MYH8: variants seen among roughly 807,000 people sequenced by gnomAD.
MYH8 encodes the protein myosin heavy chain 8.
MYH8 carries 168 observed loss-of-function variants against 233.2 expected under a neutral mutation model. The ratio of observed to expected loss-of-function variants is 0.72; its 90% CI spans 0.64 to 0.82. The LOEUF is 0.82. MYH8 is among the 40% of genes least tolerant of loss of function. The probability of loss-of-function intolerance (pLI) is 0.00; values close to 1 mark genes in which losing one functional copy is unlikely to be tolerated. For missense variants in MYH8, 1,995 were observed against 2,327.8 expected (o/e 0.86, Z 2.94); for synonymous variants, 785 against 850.6 (o/e 0.92, Z 1.34).
rs547440233 is a variant in MYH8, at chr17:10,398,490, A to T, written c.4132T>A (p.Tyr1378Asn). 1 of 1,613,940 alleles carries T rather than the reference A, an allele frequency of 6.2e-7. No homozygotes were observed. The highest frequency in any genetic ancestry group is 1.7e-5 in the Admixed American group (1 of 60,002). ...NSEVAQWRTK[Y>N]ETDAIQRTEE... ...GTGCGCTGGATGGCATCCGTCTCGTATTTGGTTCTCCACTGGGCAACCTCA... is the reference window on the plus strand; with the variant it reads ...GTGCGCTGGATGGCATCCGTCTCGTTTTTGGTTCTCCACTGGGCAACCTCA... The change falls in exon 30 of 40, where the codon TAC becomes AAC. Residue 1378 changes from tyrosine (Y) to asparagine (N), a missense_variant. Around this residue, in one of 3 missense-constraint regions of MYH8, gnomAD observed 1,498 missense variants for 1,680.9 expected, o/e 0.89. Coordinates refer to ENST00000403437, the MANE Select transcript of MYH8 (RefSeq NM_002472.3).
Position 10,415,698 on chromosome 17 carries a change from A to G in MYH8, c.522T>C (p.Asn174=). ...AYQFMLTDRE[N]QSILITGESG... ...TCACATACGTGATCAGGATGGACTG[A>G]TTCTCTCGATCTGTGAAAGAATTCA... Residue 174 remains asparagine (N), a synonymous_variant, in exon 6 of 40, where the codon AAT becomes AAC. Coordinates refer to ENST00000403437, the MANE Select transcript of MYH8 (RefSeq NM_002472.3). This position sits in a 1 kb window ranked among gnomAD's most constrained non-coding sequence, Gnocchi z 4.1. 1 of 1,613,900 alleles carries G rather than the reference A, an allele frequency of 6.2e-7. No individual in the cohort carries two copies. The highest frequency in any genetic ancestry group is 1.7e-5 in the Admixed American group (1 of 59,998).
chr17:10,402,440 A>G (rs1368936834), intron 22 of MYH8, among the ~76,000 whole-genome samples: 2 of 152,202 alleles, frequency 1.3e-5, no homozygotes, highest in Non-Finnish European at 2.9e-5. Flanking sequence ...CATTAGTCTT[A>G]AGGTGAATTT....
In MYH8 at chr17:10,418,774, C is replaced by T. The variant is rs757502669; in HGVS notation, c.382G>A (p.Val128Ile). 4 of 1,613,604 alleles carry T rather than the reference C, an allele frequency of 2.5e-6. No homozygotes were observed. Among genetic ancestry groups the T allele is most frequent in the East Asian group, 2.2e-5 (1 of 44,878 alleles). The change falls in exon 5 of 40, where the codon GTC becomes ATC. Residue 128 changes from valine to isoleucine, a missense_variant. By Grantham distance (29) the Val-to-Ile change is conservative. Around this residue, in one of 3 missense-constraint regions of MYH8, gnomAD observed 479 missense variants for 600.9 expected, o/e 0.80. Transcript: ENST00000403437. ...YTYSGLFCVT[V>I]NPYKWLPVYK... ...ACCGGCAGCCACTTGTAGGGGTTGA[C>T]GGTGACACAGAAGAGGCCTGAGTAG... is the stretch of plus-strand genomic sequence containing the variant.
At position 10,394,364 on chromosome 17, in the gene MYH8, A is replaced by C. The variant is rs1034056044; in HGVS notation, c.5051T>G (p.Leu1684Arg). 1 of 1,614,106 alleles carries C rather than the reference A, an allele frequency of 6.2e-7. No individual in the cohort carries two copies. Among genetic ancestry groups the C allele is most frequent in the Non-Finnish European group, 8.5e-7 (1 of 1,180,016 alleles). Residue 1684 changes from leucine (L) to arginine (R), a missense_variant, in exon 35 of 40, where the codon CTG becomes CGG. Physicochemically the swap from Leu to Arg is moderately radical, Grantham distance 102 (BLOSUM62 -2). Coordinates refer to ENST00000403437, the MANE Select transcript of MYH8 (RefSeq NM_002472.3). ...LAIVERRANL[L>R]QAEIEELWAT... ...CCACAGCTCCTCGATCTCAGCCTGC[A>C]GCAGGTTGGCTCTGCGCTCCACAAT... is the stretch of plus-strand genomic sequence containing the variant.
In MYH8 at chr17:10,396,028, A is replaced by G. The variant is rs367990127; in HGVS notation, c.4653+302T>C. 6.6e-6 allele frequency among the ~76,000 whole-genome samples: 1 copy of G among 152,190 alleles called. No homozygotes were observed. The highest frequency in any genetic ancestry group is 1.9e-4 in the East Asian group (1 of 5,198). The stretch of plus-strand genomic sequence containing the variant: ...CTGTCTACCGTAAAATATTTTTCCA[A>G]AATAATCATATTTCATGGCTATATA... On this transcript the variant is annotated intron_variant, in intron 33 of 39. Coordinates refer to ENST00000403437, the MANE Select transcript of MYH8 (RefSeq NM_002472.3). The surrounding 1 kb of genome is among the most constrained non-coding windows in gnomAD (Gnocchi z 4.2).
chr17:10,411,277 G>A (rs2072242196), intron 14 of MYH8, among the ~76,000 whole-genome samples: 1 of 151,962 alleles, frequency 6.6e-6, no homozygotes, highest in South Asian at 2.1e-4. Flanking sequence ...TCGGAAGGCT[G>A]AGGCAGGAAA....
Position 10,392,633 on chromosome 17 carries a change from T to G in MYH8, c.5477A>C (p.Glu1826Ala). ...QKLEARVRELEGEVENEQKRN... is the reference protein window; with the variant it reads ...QKLEARVRELAGEVENEQKRN... ...TTTCTGTTCATTTTCAACCTCTCCT[T>G]CAAGCTCACGTACCTGCAGCCAAGA... The change falls in exon 38 of 40, where the codon GAA (glutamate) becomes GCA (alanine). Residue 1826 changes from glutamate to alanine, a missense_variant. Physicochemically the swap from Glu to Ala is moderately radical, Grantham distance 107. This residue lies in a region of MYH8 where 1,498 missense variants were observed against 1,680.9 expected (regional missense o/e 0.89). Coordinates refer to ENST00000403437, the MANE Select transcript of MYH8 (RefSeq NM_002472.3). 1 of 1,614,140 alleles carries G rather than the reference T, an allele frequency of 6.2e-7. No individual in the cohort carries two copies. Among genetic ancestry groups the G allele is most frequent in the Non-Finnish European group, 8.5e-7 (1 of 1,180,012 alleles).
intron 2 of MYH8, 98 bp from the exon 3 acceptor site, chr17:10,420,355 C>T: frequency 2.7e-6 from 3 of 1,119,218 alleles, no homozygotes; most frequent in Non-Finnish European, 3.9e-6. Flanking sequence ...ATAGCCTGTG[C>T]TGTAACTATT....
At position 10,419,946 on chromosome 17, in the gene MYH8, C is replaced by T. The variant is rs1396443679; in HGVS notation, c.210+72G>A. On this transcript the variant is annotated intron_variant, in intron 3 of 39. Coordinates refer to ENST00000403437, the MANE Select transcript of MYH8 (RefSeq NM_002472.3). This position sits in a 1 kb window ranked among gnomAD's most constrained non-coding sequence, Gnocchi z 4.0. ...TGCATTGGCAACAGGCTTGGAGATT[C>T]CCAGTAAGTTAGGCTTCAACTTTTG... is the stretch of plus-strand genomic sequence containing the variant. The T allele has an allele frequency of 6.6e-7, 1 of 1,505,150 alleles. No individual in the cohort carries two copies. The highest frequency in any genetic ancestry group is 9.2e-7 in the Non-Finnish European group (1 of 1,082,558). 93.2% of individuals were successfully genotyped at this position (1,505,150 alleles called of 1,614,324 possible).
rs769458253 is a variant in MYH8, at chr17:10,420,188, C to G, written c.40G>C (p.Glu14Gln). 6.2e-7 allele frequency: 1 copy of G among 1,613,844 alleles called. No homozygotes were observed. Among genetic ancestry groups the G allele is most frequent in the Non-Finnish European group, 8.5e-7 (1 of 1,180,038 alleles). Residue 14 changes from glutamate to glutamine, a missense_variant, in exon 3 of 40, where the codon GAA (glutamate) becomes CAA (glutamine). Glu to Gln is a conservative substitution (Grantham distance 29). This residue lies in a region of MYH8 where 479 missense variants were observed against 600.9 expected (regional missense o/e 0.80). Transcript: ENST00000403437. Reference protein sequence around the residue: ...SSDAEMAVFGEAAPYLRKSEK... With the variant: ...SSDAEMAVFGQAAPYLRKSEK... Reference sequence around the variant, plus strand: ...GATTTTCGAAGGTAGGGAGCAGCTTCGCCAAAAACAGCCATCTCAGCGTCT... The same window carrying G: ...GATTTTCGAAGGTAGGGAGCAGCTTGGCCAAAAACAGCCATCTCAGCGTCT...
rs569503202 is a variant in MYH8, at chr17:10,408,172, C to T, written c.1965+925G>A. On this transcript the variant is annotated intron_variant, in intron 17 of 39. Coordinates refer to ENST00000403437, the MANE Select transcript of MYH8 (RefSeq NM_002472.3). ...GCCAGGCTGGTGTTGAATTCCTGACCTCGTGATCTGCCCGCCTCAGCCTCC... is the reference window on the plus strand; with the variant it reads ...GCCAGGCTGGTGTTGAATTCCTGACTTCGTGATCTGCCCGCCTCAGCCTCC... 3.1e-4 allele frequency among the ~76,000 whole-genome samples: 47 copies of T among 152,078 alleles called. No homozygotes were observed. The East Asian group carries it at 8.7e-3, about 28-fold the overall frequency.
chr17:10,406,783 A>T lies in MYH8; in HGVS notation c.2078T>A (p.Leu693Ter). 6.2e-7 allele frequency: 1 copy of T among 1,614,154 alleles called. No individual in the cohort carries two copies. Among genetic ancestry groups the T allele is most frequent in the Non-Finnish European group, 8.5e-7 (1 of 1,180,004 alleles). ...TPGAMEHELV[L>*]HQLRCNGVLE... is the part of the protein sequence containing the mutation. ...CACACCATTACACCTCAGCTGGTGC[A>T]ACACAAGTTCATGTTCCATTGCCCC... The change falls in exon 19 of 40, where the codon TTG becomes TAG. Residue 693 changes from leucine (L) to a stop codon, truncating the protein, a stop_gained. Transcript: ENST00000403437. LOFTEE classifies it high-confidence loss of function.
chr17:10,408,548 T>C (rs929866949), intron 17 of MYH8, among the ~76,000 whole-genome samples: 4 of 152,212 alleles, frequency 2.6e-5, no homozygotes, highest in Non-Finnish European at 5.9e-5. Context: ...CATAGGAAAA[T>C]CACATTACTT....
chr17:10,398,885 A>T lies in MYH8; in HGVS notation c.3864T>A (p.Gly1288=). The T allele has an allele frequency of 6.2e-7, 1 of 1,610,562 alleles. No individual in the cohort carries two copies. Among genetic ancestry groups the T allele is most frequent in the Non-Finnish European group, 8.5e-7 (1 of 1,178,990 alleles). The part of the protein sequence containing the change: ...AQRARLQTEA[G]EYSRQLDEKD... ...TCTCATCTAATTGTCGAGAATATTC[A>T]CCTAGGAATAATAGACATAAGGGAA... The change falls in exon 29 of 40, where the codon GGT becomes GGA. Residue 1288 remains glycine, a splice_region_variant and synonymous_variant. Coordinates refer to ENST00000403437, the MANE Select transcript of MYH8 (RefSeq NM_002472.3).
In MYH8 at chr17:10,412,357, T is replaced by C; in HGVS notation, c.1416+13A>G. The C allele has an allele frequency of 6.2e-7, 1 of 1,614,112 alleles. No individual in the cohort carries two copies. Among genetic ancestry groups the C allele is most frequent in the South Asian group, 1.1e-5 (1 of 91,078 alleles). ...CAATTGCCTCCTTCTTAATTCTTGT[T>C]AATATAACTCACATCAAAGATTTCA... On this transcript the variant is annotated intron_variant, in intron 14 of 39. Transcript: ENST00000403437.
chr17:10,407,642 C>T (rs1477705717), intron 17 of MYH8, among the ~76,000 whole-genome samples: 1 of 152,002 alleles, frequency 6.6e-6, no homozygotes, highest in Non-Finnish European at 1.5e-5. Context: ...AGTTCGAGAC[C>T]AGCCTGGGCA....
Position 10,390,322 on chromosome 17 carries a change from T to C in MYH8, c.*132A>G. The stretch of plus-strand genomic sequence containing the variant: ...TGCAAGTGAAAAAATGAAAGTCCGG[T>C]TTAATGTATACATTTACTGTAGTTT... On this transcript the variant is annotated 3_prime_UTR_variant, in exon 40 of 40. Transcript: ENST00000403437. 2 of 1,216,172 alleles carry C rather than the reference T, an allele frequency of 1.6e-6. No homozygotes were observed. Among genetic ancestry groups the C allele is most frequent in the Non-Finnish European group, 2.4e-6 (2 of 829,670 alleles). The allele number at this position is 1,216,172 out of a possible 1,614,324, so 75.3% of individuals were successfully genotyped here. A position where few individuals can be genotyped will look rare whatever the true frequency, so the allele number is the denominator to read the frequency against.
At chr17:10,399,803 A>T in intron 27 of MYH8, 134 bp from the exon 28 acceptor site, 2 of 1,297,666 alleles carry the variant, frequency 1.5e-6, no homozygotes, top group South Asian at 2.5e-5. Context: ...AACTCTGTGG[A>T]ACATGCAAGA....
At chr17:10,416,981 T>C (rs1217515550) in intron 5 of MYH8, among the ~76,000 whole-genome samples, 2 of 152,184 alleles carry the variant, frequency 1.3e-5, no homozygotes, top group African/African-American at 4.8e-5. Flanking sequence ...AGGAAGTGAC[T>C]TTTCTAATAT....
Sources: allele counts gnomAD v4.1 joint callset (sites outside exome capture counted in the v4.1 genomes callset), GRCh38; gene constraint gnomAD v4.1.1; regional missense constraint gnomAD v4.1.1; non-coding constraint Gnocchi (gnomAD v3.1); transcripts MANE v1.5; gene names NCBI Gene and HGNC (gene_info 2026-07-23, HGNC 2026-07-21).